The following DAB1 variants were observed in gnomAD, a reference collection of about 807,000 sequenced individuals.
The protein encoded by DAB1 is disabled homolog 1.
In DAB1, 15 loss-of-function variants were observed where a neutral mutation model predicts 64.6. The ratio of observed to expected loss-of-function variants is 0.23; its 90% CI spans 0.16 to 0.36. The LOEUF (loss-of-function observed/expected upper bound fraction) is 0.36, where lower values mean the gene tolerates loss of function less well. Among genes scored for constraint, DAB1 ranks in the 10% least tolerant of loss-of-function variants. The pLI is 1.00. For synonymous variants in DAB1, 235 were observed against 251.9 expected (o/e 0.93, Z 0.64); for missense variants, 596 against 706.7 (o/e 0.84, Z 1.78).
chr1:57,245,245 T>C (rs1307758904), intron 2 of DAB1, among the ~76,000 whole-genome samples: 2 of 152,182 alleles, frequency 1.3e-5, no homozygotes. Flanking sequence ...AGTTTCGAAC[T>C]TGAGTGAGAT....
At chr1:57,981,178 C>G (rs1341139401) in intron 5 of DAB1, among the ~76,000 whole-genome samples, 11 of 152,062 alleles carry the variant, frequency 7.2e-5, no homozygotes, top group African/African-American at 2.7e-4. Context: ...TCTGTATACT[C>G]ATCTCTATAA....
At chr1:58,284,647 G>A (rs749459065) in intron 4 of DAB1, among the ~76,000 whole-genome samples, 14 of 152,362 alleles carry the variant, frequency 9.2e-5, no homozygotes, top group South Asian at 4.1e-4. Context: ...GAGATGGAGC[G>A]TTATTCCTAT....
chr1:57,745,685 C>T (rs574420596), intron 6 of DAB1, among the ~76,000 whole-genome samples: 102 of 152,086 alleles, frequency 6.7e-4, no homozygotes, highest in Admixed American at 1.1e-3. Flanking sequence ...TAAACATTCC[C>T]GAATCAACTG....
chr1:57,150,773 C>G (rs1358030478), intron 2 of DAB1, among the ~76,000 whole-genome samples: 1 of 152,098 alleles, frequency 6.6e-6, no homozygotes, highest in Non-Finnish European at 1.5e-5. Flanking sequence ...ACAAAATGTA[C>G]AAGGATATTT....
intron 5 of DAB1, among the ~76,000 whole-genome samples, chr1:58,122,441 C>G (rs1652808843): frequency 6.6e-6 from 1 of 152,114 alleles, no homozygotes; most frequent in Admixed American, 6.6e-5. Context: ...TAGAGGAACT[C>G]CCACCTTGCA....
At chr1:57,807,201 C>T (rs1409127593) in intron 6 of DAB1, among the ~76,000 whole-genome samples, 1 of 152,210 alleles carries the variant, frequency 6.6e-6, no homozygotes, top group East Asian at 1.9e-4. Context: ...ACAATTCCTT[C>T]CATCTCTGTA....
At chr1:57,252,170 CT>C (rs1669391890) in intron 2 of DAB1, among the ~76,000 whole-genome samples, 1 of 152,138 alleles carries the variant, frequency 6.6e-6, no homozygotes, top group South Asian at 2.1e-4. Flanking sequence ...TTCATTTGCC[CT>C]TCCCTTGCGC....
chr1:57,574,109 A>G (rs1645222249), intron 7 of DAB1, among the ~76,000 whole-genome samples: 1 of 152,224 alleles, frequency 6.6e-6, no homozygotes, highest in Non-Finnish European at 1.5e-5. Flanking sequence ...GGATTTTTCC[A>G]AACTTTTGTT....
intron 4 of DAB1, among the ~76,000 whole-genome samples, chr1:57,116,640 C>T (rs1656160089): frequency 6.6e-6 from 1 of 152,016 alleles, no homozygotes; most frequent in South Asian, 2.1e-4. Context: ...GTCTCCCCAA[C>T]TCATACAATG....
chr1:57,154,341 T>G (rs1275345119), intron 2 of DAB1, among the ~76,000 whole-genome samples: 1 of 152,218 alleles, frequency 6.6e-6, no homozygotes. Context: ...GATCTCCAGT[T>G]CCATCCATGT....
intron 3 of DAB1, among the ~76,000 whole-genome samples, chr1:58,502,157 A>T (rs1645917571): frequency 6.6e-6 from 1 of 152,236 alleles, no homozygotes; most frequent in Admixed American, 6.5e-5. Flanking sequence ...TATGCAAGGG[A>T]TCCAATAAGA....
chr1:58,250,179 C>T (rs901419369), intron 4 of DAB1, among the ~76,000 whole-genome samples: 2 of 152,316 alleles, frequency 1.3e-5, no homozygotes, highest in African/African-American at 4.8e-5. Flanking sequence ...CCGCCCCTAC[C>T]CCGGCGCGCC....
intron 4 of DAB1, among the ~76,000 whole-genome samples, chr1:57,074,483 A>G (rs1651800688): frequency 6.6e-6 from 1 of 152,180 alleles, no homozygotes; most frequent in Admixed American, 6.5e-5. Flanking sequence ...TCTGGATTTC[A>G]CGATGGTCAT....
intron 4 of DAB1, among the ~76,000 whole-genome samples, chr1:58,253,505 A>C (rs926657162): frequency 7.2e-5 from 11 of 152,354 alleles, no homozygotes; most frequent in East Asian, 1.9e-4. Flanking sequence ...AGTTATTGTG[A>C]GTCTGTACTA....
chr1:57,217,985 A>T (rs563025999), intron 2 of DAB1, among the ~76,000 whole-genome samples: 1 of 152,310 alleles, frequency 6.6e-6, no homozygotes, highest in Admixed American at 6.5e-5. Context: ...CACAAACAGT[A>T]ATCAGTGGCC....
chr1:57,817,196 T>C (rs1651894808), intron 6 of DAB1, among the ~76,000 whole-genome samples: 1 of 152,200 alleles, frequency 6.6e-6, no homozygotes, highest in African/African-American at 2.4e-5. Context: ...TTATTATATT[T>C]ATCATTGTGA....
chr1:57,503,778 C>T lies in DAB1; in HGVS notation n.625+145814G>A, dbSNP rs555473509. Among the ~76,000 whole-genome samples the T allele has an allele frequency of 9.2e-5, 14 of 152,318 alleles. No homozygotes were observed. The South Asian group carries it at 1.0e-3, about 11-fold the overall frequency. ...AATTCCTTTTCATCCACTGGGATTT[C>T]GCTCAGGTGTCACTTTTTCCAGGAA... is the stretch of plus-strand genomic sequence containing the variant. On this transcript the variant is annotated intron_variant and non_coding_transcript_variant, in intron 7 of 20. Transcript: ENST00000485760.
At chr1:57,543,539 T>TA (rs920199479) in intron 7 of DAB1, among the ~76,000 whole-genome samples, 4 of 152,056 alleles carry the variant, frequency 2.6e-5, no homozygotes, top group Admixed American at 1.3e-4. Context: ...AATGGGCATA[T>TA]AAAAAACAAA....
At chr1:57,096,759 G>A (rs1189393558) in intron 4 of DAB1, among the ~76,000 whole-genome samples, 1 of 152,044 alleles carries the variant, frequency 6.6e-6, no homozygotes, top group African/African-American at 2.4e-5. Context: ...TTATTGTCTT[G>A]CCTGCATTGT....
Sources: allele counts gnomAD v4.1 joint callset (sites outside exome capture counted in the v4.1 genomes callset), GRCh38; gene constraint gnomAD v4.1.1; transcripts MANE v1.5; gene names NCBI Gene and HGNC (gene_info 2026-07-23, HGNC 2026-07-21).